The following UGT1A10 variants were observed in gnomAD, a reference collection of about 807,000 sequenced individuals.
UGT1A10 encodes UDP-glucuronosyltransferase 1A10.
In UGT1A10, 49 loss-of-function variants were observed where a neutral mutation model predicts 45.8. That is an observed-to-expected ratio of 1.07 (90% CI 0.85 to 1.36). The LOEUF is 1.36. Ranked by LOEUF, UGT1A10 falls within the 40% of genes most tolerant of loss-of-function variation. The pLI, the probability that UGT1A10 is intolerant of heterozygous loss-of-function variation, is 0.00. For missense variants in UGT1A10, 745 were observed against 668.6 expected (o/e 1.11, Z -1.26); for synonymous variants, 284 against 249.7 (o/e 1.14, Z -1.29).
chr2:233,706,586 G>A (rs992112289), intron 1 of UGT1A10, among the ~76,000 whole-genome samples: 1 of 152,142 alleles, frequency 6.6e-6, no homozygotes, highest in Non-Finnish European at 1.5e-5. Flanking sequence ...GGAGATGGGA[G>A]GTGGACCTAA....
chr2:233,652,613 A>G (rs2073766993), intron 1 of UGT1A10, among the ~76,000 whole-genome samples: 1 of 152,180 alleles, frequency 6.6e-6, no homozygotes, highest in South Asian at 2.1e-4. Context: ...TGTCTCAAAA[A>G]TGTCTTGTAC....
intron 1 of UGT1A10, chr2:233,753,714 C>T (rs1422893106): frequency 1.3e-5 from 2 of 152,222 alleles, no homozygotes; most frequent in Non-Finnish European, 2.9e-5. Flanking sequence ...TTTCATCAAC[C>T]TAATTTGATA....
intron 1 of UGT1A10, chr2:233,718,964 G>A (rs767708509): frequency 1.1e-5 from 17 of 1,614,104 alleles, no homozygotes; most frequent in Non-Finnish European, 1.4e-5. Flanking sequence ...GGGAGGCCTT[G>A]CGGGAGCTCC....
chr2:233,692,752 G>A, intron 1 of UGT1A10: 8 of 1,127,222 alleles, frequency 7.1e-6, no homozygotes, highest in Non-Finnish European at 9.3e-6. Flanking sequence ...AAGCAGACTT[G>A]TGGAGCTGAA....
intron 1 of UGT1A10, among the ~76,000 whole-genome samples, chr2:233,749,903 C>T (rs1384807685): frequency 6.6e-6 from 1 of 151,914 alleles, no homozygotes; most frequent in Non-Finnish European, 1.5e-5. Flanking sequence ...CCTCCAGCCA[C>T]CTGGAACTGT....
In UGT1A10 at chr2:233,741,465, T is replaced by C. The variant is rs1260988830; in HGVS notation, c.856-25569T>C. The stretch of plus-strand genomic sequence containing the variant: ...ACTACTCAGTGAGTATCTTCACACA[T>C]GTAAGTTCCCTCGTCTGATGTACAA... On this transcript the variant is annotated intron_variant, in intron 1 of 4. Coordinates refer to ENST00000344644, the MANE Select transcript of UGT1A10 (RefSeq NM_019075.4). 6 of 151,930 alleles carry C rather than the reference T, an allele frequency of 3.9e-5. 1 individual carries two copies. Among genetic ancestry groups the C allele is most frequent in the African/African-American group, 1.2e-4 (5 of 41,162 alleles). 9.4% of individuals were successfully genotyped at this position (151,930 alleles called of 1,614,324 possible).
At chr2:233,690,618 A>G (rs2074999985) in intron 1 of UGT1A10, 6 of 1,288,652 alleles carry the variant, frequency 4.7e-6, no homozygotes, top group Non-Finnish European at 6.1e-6. Flanking sequence ...TTGCCTGGAC[A>G]CTCAAGTGAT....
intron 1 of UGT1A10, chr2:233,708,386 G>A (rs1189404763): frequency 1.3e-5 from 2 of 152,170 alleles, no homozygotes; most frequent in Non-Finnish European, 2.9e-5. Flanking sequence ...TTTTGTGTGT[G>A]TGTGTTTACT....
Position 233,669,724 on chromosome 2 carries a change from C to T in UGT1A10, c.855+32347C>T, listed in dbSNP as rs550898823. Among the ~76,000 whole-genome samples the T allele has an allele frequency of 2.0e-5, 3 of 152,166 alleles. No individual in the cohort carries two copies. The South Asian group carries it at 6.2e-4, about 32-fold the overall frequency. The stretch of plus-strand genomic sequence containing the variant: ...TTTGAGACAGAGTCGTGCTGTTTTG[C>T]CCGGGCTGGAGTATAATGGCGTGAT... On this transcript the variant is annotated intron_variant, in intron 1 of 4. Coordinates refer to ENST00000344644, the MANE Select transcript of UGT1A10 (RefSeq NM_019075.4).
At position 233,772,260 on chromosome 2, in the gene UGT1A10, A is replaced by G; in HGVS notation, c.1296-2A>G. 1 of 1,614,264 alleles carries G rather than the reference A, an allele frequency of 6.2e-7. No homozygotes were observed. Among genetic ancestry groups the G allele is most frequent in the Non-Finnish European group, 8.5e-7 (1 of 1,180,050 alleles). ...GCATAACGAAACTGTCTTTGTGTTT[A>G]GTTACAAGGAGAACATCATGCGCCT... On this transcript the variant is annotated splice_acceptor_variant, in intron 4 of 4. Transcript: ENST00000344644. LOFTEE classifies it high-confidence loss of function.
intron 1 of UGT1A10, among the ~76,000 whole-genome samples, chr2:233,681,313 T>A (rs2074518201): frequency 6.6e-6 from 1 of 151,918 alleles, no homozygotes; most frequent in African/African-American, 2.4e-5. Context: ...ATGGGCAGAT[T>A]GCCTGAGCTC....
chr2:233,741,319 C>A (rs2125834585), intron 1 of UGT1A10, among the ~76,000 whole-genome samples: 1 of 151,674 alleles, frequency 6.6e-6, no homozygotes, highest in South Asian at 2.1e-4. Flanking sequence ...CCAACTCATT[C>A]TACTCTACCC....
At chr2:233,716,708 A>G (rs545816882) in intron 1 of UGT1A10, among the ~76,000 whole-genome samples, 1 of 152,306 alleles carries the variant, frequency 6.6e-6, no homozygotes, top group South Asian at 2.1e-4. Flanking sequence ...TAAAAACACT[A>G]AAGAGTTCCA....
At chr2:233,662,294 C>T (rs1396033256) in intron 1 of UGT1A10, among the ~76,000 whole-genome samples, 3 of 152,058 alleles carry the variant, frequency 2.0e-5, no homozygotes, top group Non-Finnish European at 2.9e-5. Flanking sequence ...CTGACATACT[C>T]AAGTTTTTCT....
At chr2:233,668,947 G>T (rs1188654239) in intron 1 of UGT1A10, among the ~76,000 whole-genome samples, 1 of 152,206 alleles carries the variant, frequency 6.6e-6, no homozygotes, top group African/African-American at 2.4e-5. Context: ...GAGCAATTCT[G>T]GTGAGGTATT....
At position 233,769,446 on chromosome 2, in the gene UGT1A10, C is replaced by T. The variant is rs1239046634; in HGVS notation, c.1295+1007C>T. 4 of 1,588,334 alleles carry T rather than the reference C, an allele frequency of 2.5e-6. No homozygotes were observed. The highest frequency in any genetic ancestry group is 3.4e-6 in the Non-Finnish European group (4 of 1,161,110). On this transcript the variant is annotated intron_variant, in intron 4 of 4. Coordinates refer to ENST00000344644, the MANE Select transcript of UGT1A10 (RefSeq NM_019075.4). This position sits in a 1 kb window ranked among gnomAD's most constrained non-coding sequence, Gnocchi z 4.4. ...GTGGCTGTGCTCATGTGTGGGTGCA[C>T]ACGTGTGCATTCATATGCGTGTGTG...
intron 1 of UGT1A10, among the ~76,000 whole-genome samples, chr2:233,675,145 G>T (rs2074311739): frequency 6.6e-6 from 1 of 152,036 alleles, no homozygotes; most frequent in African/African-American, 2.4e-5. Context: ...GCTATCCAGG[G>T]GAATTACATC....
chr2:233,769,493 G>C lies in UGT1A10; in HGVS notation c.1295+1054G>C, dbSNP rs1230643911. 1 of 1,612,700 alleles carries C rather than the reference G, an allele frequency of 6.2e-7. No homozygotes were observed. Among genetic ancestry groups the C allele is most frequent in the Admixed American group, 1.7e-5 (1 of 60,004 alleles). On this transcript the variant is annotated intron_variant, in intron 4 of 4. Coordinates refer to ENST00000344644, the MANE Select transcript of UGT1A10 (RefSeq NM_019075.4). This position sits in a 1 kb window ranked among gnomAD's most constrained non-coding sequence, Gnocchi z 4.4. ...TGTGTGTGTGTGCGTGTGTTTATGA[G>C]AGTGTCCATTGCTTTCTCCCATGGT... is the stretch of plus-strand genomic sequence containing the variant.
chr2:233,691,443 T>A, intron 1 of UGT1A10: 1 of 985,598 alleles, frequency 1.0e-6, no homozygotes, highest in Non-Finnish European at 1.2e-6. Flanking sequence ...AGGCTTCTTC[T>A]CCCTTCCTGG....
Sources: gnomAD v4.1 joint callset for allele counts (sites outside exome capture counted in the v4.1 genomes callset) on GRCh38, gnomAD v4.1.1 for gene constraint, Gnocchi (gnomAD v3.1) non-coding constraint, MANE v1.5 for transcripts, NCBI Gene and HGNC (gene_info 2026-07-23, HGNC 2026-07-21) for gene names.